Variants in PLEKHG7 observed in about 807,000 individuals in gnomAD.
PLEKHG7 encodes pleckstrin homology and RhoGEF domain containing G7.
A neutral mutation model predicts 85.2 loss-of-function variants in PLEKHG7; 77 were observed. The ratio of observed to expected loss-of-function variants is 0.90; its 90% confidence interval spans 0.75 to 1.09. The LOEUF (loss-of-function observed/expected upper bound fraction) is 1.09. PLEKHG7 is among the 50% of genes least tolerant of loss of function. PLEKHG7 has a pLI of 0.00. For synonymous variants in PLEKHG7, 301 were observed against 302.4 expected (o/e 1.00, Z 0.05); for missense variants, 777 against 804.3 (o/e 0.97, Z 0.41).
chr12:92,714,082 C>G (rs1407457428), intron 3 of PLEKHG7, among the ~76,000 whole-genome samples: 1 of 152,234 alleles, frequency 6.6e-6, no homozygotes, highest in East Asian at 1.9e-4. Context: ...CACTCTCAAC[C>G]TTACCTCTAG....
chr12:92,744,609 G>A (rs775788625), intron 9 of PLEKHG7, among the ~76,000 whole-genome samples: 1 of 151,396 alleles, frequency 6.6e-6, no homozygotes, highest in Non-Finnish European at 1.5e-5. Context: ...GTAAGATAAA[G>A]CGCATGCTAC....
At chr12:92,721,045 G>C (rs567745691) in intron 3 of PLEKHG7, among the ~76,000 whole-genome samples, 4 of 152,110 alleles carry the variant, frequency 2.6e-5, no homozygotes, top group Admixed American at 6.6e-5. Flanking sequence ...GTTTCCTCTG[G>C]TCTAAAATAA....
rs1261346101 is a variant in PLEKHG7 at position 92,761,796 on chromosome 12, T to A, written c.1681T>A (p.Phe561Ile). The change falls in exon 14 of 17, where the codon TTC becomes ATC. Residue 561 changes from phenylalanine to isoleucine, a missense_variant. By Grantham distance (21) the Phe-to-Ile change is conservative. Around this residue, in one of 3 missense-constraint regions of PLEKHG7, gnomAD observed 520 missense variants for 544.0 expected, o/e 0.96. Coordinates refer to ENST00000344636, the MANE Select transcript of PLEKHG7 (RefSeq NM_001377329.1). ...TGTTTATCTGTTTCTCTTCAATGAT[T>A]TCCTCTTAGTTACGAAAACTAAGTG... Reference protein sequence around the residue: ...LDVYLFLFNDFLLVTKTKCNK... With the variant: ...LDVYLFLFNDILLVTKTKCNK... 6.3e-7 allele frequency: 1 copy of A among 1,578,190 alleles called. No homozygotes were observed. Among genetic ancestry groups the A allele is most frequent in the Non-Finnish European group, 8.6e-7 (1 of 1,167,808 alleles).
chr12:92,744,970 A>G (rs1872486925), intron 9 of PLEKHG7, among the ~76,000 whole-genome samples: 1 of 152,204 alleles, frequency 6.6e-6, no homozygotes, highest in Non-Finnish European at 1.5e-5. Context: ...CCCAGCCAAG[A>G]TGTCCAAAAT....
intron 3 of PLEKHG7, among the ~76,000 whole-genome samples, chr12:92,716,392 A>T (rs920784353): frequency 1.3e-5 from 2 of 152,142 alleles, no homozygotes; most frequent in Non-Finnish European, 2.9e-5. Flanking sequence ...CAGTGTTTTA[A>T]CCTGTAATAT....
intron 13 of PLEKHG7, 88 bp from the exon 14 acceptor site, chr12:92,761,664 A>AAG (rs930080431): frequency 7.5e-7 from 1 of 1,338,340 alleles, no homozygotes; most frequent in African/African-American, 1.6e-5. Flanking sequence ...GAAAGAAAGA[A>AAG]AGAAAGAAAG....
At chr12:92,712,199 G>C (rs1368474216) in intron 3 of PLEKHG7, among the ~76,000 whole-genome samples, 2 of 152,236 alleles carry the variant, frequency 1.3e-5, no homozygotes, top group Non-Finnish European at 2.9e-5. Flanking sequence ...TAATGGACCA[G>C]TGTGATATCT....
intron 5 of PLEKHG7, 27 bp downstream of exon 5, chr12:92,732,300 T>G: frequency 8.2e-7 from 1 of 1,220,032 alleles, no homozygotes; most frequent in Non-Finnish European, 1.0e-6. Flanking sequence ...GCCATTTTTG[T>G]TTTAATTAAG....
rs569926729 is a variant in PLEKHG7 at position 92,768,164 on chromosome 12, G to A, written c.1871-819G>A. On this transcript the variant is annotated intron_variant, in intron 15 of 16. Coordinates refer to ENST00000344636, the MANE Select transcript of PLEKHG7 (RefSeq NM_001377329.1). ...CAGAGGTACAGTGAGCCGAGATCCC[G>A]CCACTGCACTCCAGCCCGGGCGACA... 5.3e-5 allele frequency among the ~76,000 whole-genome samples: 8 copies of A among 151,032 alleles called. No homozygotes were observed. In the South Asian group the frequency reaches 8.3e-4, roughly 16 times the overall value.
At chr12:92,723,903 C>T (rs567365434) in intron 3 of PLEKHG7, among the ~76,000 whole-genome samples, 1 of 152,126 alleles carries the variant, frequency 6.6e-6, no homozygotes, top group African/African-American at 2.4e-5. Context: ...GGGAAACTAC[C>T]AAACTTAATG....
chr12:92,734,959 G>A (rs890046165), intron 5 of PLEKHG7, among the ~76,000 whole-genome samples: 4 of 152,124 alleles, frequency 2.6e-5, no homozygotes, highest in South Asian at 2.1e-4. Context: ...AGGCAAGAAG[G>A]TACTAAATGG....
intron 9 of PLEKHG7, among the ~76,000 whole-genome samples, chr12:92,743,487 C>T (rs1446329989): frequency 6.6e-6 from 1 of 150,732 alleles, no homozygotes; most frequent in East Asian, 2.0e-4. Context: ...CATAATTTAG[C>T]TAAGATCATA....
At chr12:92,752,824 A>G (rs1872727215) in intron 10 of PLEKHG7, among the ~76,000 whole-genome samples, 1 of 152,194 alleles carries the variant, frequency 6.6e-6, no homozygotes, top group African/African-American at 2.4e-5. Context: ...ACAGTTCTGG[A>G]GGCTGAAAGT....
chr12:92,754,313 A>G (rs1297072618), intron 11 of PLEKHG7, 49 bp downstream of exon 11: 141 of 1,560,984 alleles, frequency 9.0e-5, no homozygotes, highest in Non-Finnish European at 1.2e-4. Context: ...TGGCCTTGTG[A>G]CTCCTGGAAA....
intron 15 of PLEKHG7, among the ~76,000 whole-genome samples, chr12:92,765,472 A>G (rs1230796898): frequency 6.6e-6 from 1 of 152,024 alleles, no homozygotes; most frequent in African/African-American, 2.4e-5. Flanking sequence ...TCTACTAAAA[A>G]TACAAAATTA....
intron 10 of PLEKHG7, among the ~76,000 whole-genome samples, chr12:92,751,510 C>CGT (rs1872688751): frequency 6.6e-6 from 1 of 151,492 alleles, no homozygotes; most frequent in Non-Finnish European, 1.5e-5. Flanking sequence ...GGATTACAGG[C>CGT]GTGCGCCACC....
chr12:92,754,117 CG>C lies in PLEKHG7; in HGVS notation c.1281del (p.Leu428SerfsTer7), dbSNP rs1565795552. On this transcript the variant is annotated frameshift_variant, in exon 11 of 17. Transcript: ENST00000344636. LOFTEE classifies it high-confidence loss of function. ...KWCEQNEQCR[R>X]LHVPELLVAP... ...GTGTGAGCAGAATGAACAATGCAGA[CG>C]GCTCCACGTGCCAGAGCTGCTAGTG... is the stretch of plus-strand genomic sequence containing the variant. 6.2e-7 allele frequency: 1 copy of C among 1,613,890 alleles called. No homozygotes were observed. Among genetic ancestry groups the C allele is most frequent in the Non-Finnish European group, 8.5e-7 (1 of 1,179,870 alleles).
chr12:92,720,321 G>T (rs1331841462), intron 3 of PLEKHG7, among the ~76,000 whole-genome samples: 1 of 118,726 alleles, frequency 8.4e-6, no homozygotes, highest in Non-Finnish European at 1.8e-5. Context: ...TTCTCTTAGT[G>T]TCTTTTTTTT....
chr12:92,707,474 C>T (rs1871270457), intron 2 of PLEKHG7, 176 bp from the exon 3 acceptor site: 8 of 1,448,738 alleles, frequency 5.5e-6, no homozygotes, highest in Non-Finnish European at 6.3e-6. Flanking sequence ...AAGACAACGT[C>T]GTGTCACTGA....
Sources: allele counts gnomAD v4.1 joint callset (sites outside exome capture counted in the v4.1 genomes callset), GRCh38; gene constraint gnomAD v4.1.1; regional missense constraint gnomAD v4.1.1; transcripts MANE v1.5; gene names NCBI Gene and HGNC (gene_info 2026-07-23, HGNC 2026-07-21).